The following CCSER1 variants were observed in gnomAD, a reference collection of about 807,000 sequenced individuals.
The protein encoded by CCSER1 is serine-rich coiled-coil domain-containing protein 1.
CCSER1 carries 41 observed loss-of-function variants against 82.0 expected under a neutral mutation model. That is an observed-to-expected ratio of 0.50 (90% CI 0.39 to 0.65). The LOEUF (loss-of-function observed/expected upper bound fraction) is 0.65, where lower values mean the gene tolerates loss of function less well. Among genes scored for constraint, CCSER1 ranks in the 30% least tolerant of loss-of-function variants. CCSER1 has a pLI of 0.00. For missense variants in CCSER1, 1,119 were observed against 1,064.2 expected (o/e 1.05, Z -0.72); for synonymous variants, 414 against 383.9 (o/e 1.08, Z -0.92).
chr4:90,437,318 T>G (rs1759172451), intron 4 of CCSER1, among the ~76,000 whole-genome samples: 1 of 152,030 alleles, frequency 6.6e-6, no homozygotes, highest in Non-Finnish European at 1.5e-5. Context: ...TATAGGTGTT[T>G]TAGTGTACAT....
intron 9 of CCSER1, among the ~76,000 whole-genome samples, chr4:90,957,664 CTATA>C (rs1561418392): frequency 8.7e-6 from 1 of 114,386 alleles, no homozygotes; most frequent in Non-Finnish European, 1.7e-5. Flanking sequence ...ATATATATAA[CTATA>C]TAATTTCATG....
At chr4:91,376,273 T>G (rs1750406148) in intron 10 of CCSER1, among the ~76,000 whole-genome samples, 1 of 152,004 alleles carries the variant, frequency 6.6e-6, no homozygotes, top group Non-Finnish European at 1.5e-5. Flanking sequence ...AACCTAAGAG[T>G]GTACACAAGC....
chr4:90,808,848 A>G (rs1418923459), intron 7 of CCSER1, among the ~76,000 whole-genome samples: 1 of 152,214 alleles, frequency 6.6e-6, no homozygotes, highest in African/African-American at 2.4e-5. Flanking sequence ...TCAAAGAACT[A>G]AAAGTACCTC....
chr4:90,356,755 C>T (rs192897029), intron 3 of CCSER1, among the ~76,000 whole-genome samples: 3 of 151,682 alleles, frequency 2.0e-5, no homozygotes, highest in Admixed American at 1.3e-4. Flanking sequence ...ATCTTGTAAC[C>T]TTTTTATTTT....
intron 8 of CCSER1, among the ~76,000 whole-genome samples, chr4:90,875,653 T>C (rs956258305): frequency 5.3e-5 from 8 of 152,190 alleles, no homozygotes; most frequent in African/African-American, 1.9e-4. Flanking sequence ...CCTAAGGTAT[T>C]ATATAGTTGT....
At chr4:91,539,164 T>C (rs1348163680) in intron 10 of CCSER1, among the ~76,000 whole-genome samples, 3 of 152,112 alleles carry the variant, frequency 2.0e-5, no homozygotes, top group Admixed American at 2.0e-4. Context: ...ATTCATATTC[T>C]TTTTTGTTTG....
intron 10 of CCSER1, among the ~76,000 whole-genome samples, chr4:91,357,066 C>T (rs1277874494): frequency 6.6e-6 from 1 of 152,174 alleles, no homozygotes; most frequent in Non-Finnish European, 1.5e-5. Flanking sequence ...GCATTTGTAT[C>T]TTGGTATGCT....
intron 5 of CCSER1, among the ~76,000 whole-genome samples, chr4:90,512,717 A>G (rs543214252): frequency 9.2e-5 from 14 of 152,220 alleles, no homozygotes; most frequent in Non-Finnish European, 1.8e-4. Context: ...ATCCAATCAC[A>G]TTTAGAATAA....
At chr4:90,427,557 C>G (rs1436440922) in intron 4 of CCSER1, among the ~76,000 whole-genome samples, 1 of 151,504 alleles carries the variant, frequency 6.6e-6, no homozygotes, top group African/African-American at 2.4e-5. Flanking sequence ...TTGTCATTCA[C>G]TATCTAATTG....
At chr4:91,103,971 G>T (rs1163533491) in intron 10 of CCSER1, among the ~76,000 whole-genome samples, 3 of 151,770 alleles carry the variant, frequency 2.0e-5, no homozygotes, top group Admixed American at 6.6e-5. Flanking sequence ...AATACCCTGG[G>T]AAAGGAATGC....
intron 1 of CCSER1, among the ~76,000 whole-genome samples, chr4:90,216,473 G>A (rs28436789): frequency 0.016 from 2,413 of 152,304 alleles, 35 homozygotes; most frequent in African/African-American, 0.041. Context: ...CTACAAAACT[G>A]TGACAGTCAG....
chr4:91,583,364 T>C (rs1763825309), intron 10 of CCSER1, among the ~76,000 whole-genome samples: 1 of 148,810 alleles, frequency 6.7e-6, no homozygotes, highest in African/African-American at 2.4e-5. Context: ...TTCATTCTTT[T>C]TTAAATTCTT....
chr4:91,097,710 T>C (rs538568178), intron 10 of CCSER1, among the ~76,000 whole-genome samples: 1 of 152,336 alleles, frequency 6.6e-6, no homozygotes, highest in South Asian at 2.1e-4. Flanking sequence ...TTTCAGTTGA[T>C]GATATTTGTG....
intron 10 of CCSER1, among the ~76,000 whole-genome samples, chr4:91,282,770 AT>A: frequency 6.6e-6 from 1 of 152,280 alleles, no homozygotes; most frequent in Non-Finnish European, 1.5e-5. Context: ...GTTCATTAAA[AT>A]TTGGCAACAG....
At chr4:91,374,909 T>C (rs966873286) in intron 10 of CCSER1, among the ~76,000 whole-genome samples, 1 of 152,112 alleles carries the variant, frequency 6.6e-6, no homozygotes, top group Non-Finnish European at 1.5e-5. Context: ...TGCTGGAGAA[T>C]TGCTTGAACC....
At chr4:90,814,756 A>G (rs1758780303) in intron 7 of CCSER1, among the ~76,000 whole-genome samples, 1 of 152,194 alleles carries the variant, frequency 6.6e-6, no homozygotes, top group South Asian at 2.1e-4. Context: ...CCTTTACTCC[A>G]GTTCCCAATA....
intron 10 of CCSER1, among the ~76,000 whole-genome samples, chr4:91,185,761 C>T (rs924790224): frequency 1.3e-5 from 2 of 152,184 alleles, no homozygotes; most frequent in African/African-American, 4.8e-5. Flanking sequence ...GGCGGCCTGA[C>T]TCTCTGAATT....
At chr4:90,631,961 T>C (rs1227886350) in intron 6 of CCSER1, among the ~76,000 whole-genome samples, 4 of 152,192 alleles carry the variant, frequency 2.6e-5, no homozygotes. Context: ...ATAAGGTATA[T>C]GCAAATATTC....
intron 10 of CCSER1, among the ~76,000 whole-genome samples, chr4:91,329,469 T>G (rs924205247): frequency 6.6e-6 from 1 of 152,184 alleles, no homozygotes; most frequent in African/African-American, 2.4e-5. Flanking sequence ...TCCCATATTA[T>G]TTAGTTTTAT....
Sources: allele counts gnomAD v4.1 joint callset (sites outside exome capture counted in the v4.1 genomes callset), GRCh38; gene constraint gnomAD v4.1.1; transcripts MANE v1.5; gene names NCBI Gene and HGNC (gene_info 2026-07-23, HGNC 2026-07-21).